The following DPP10 variants were observed in gnomAD, a reference collection of about 807,000 sequenced individuals.
DPP10 encodes the protein inactive dipeptidyl peptidase 10.
A neutral mutation model predicts 120.9 loss-of-function variants in DPP10; 33 were observed. The ratio of observed to expected loss-of-function variants is 0.27; its 90% confidence interval spans 0.21 to 0.37. DPP10 has a LOEUF of 0.37. DPP10 is among the 10% of genes least tolerant of loss of function. The probability of loss-of-function intolerance (pLI) is 1.00; values close to 1 mark genes in which losing one functional copy is unlikely to be tolerated. For missense variants in DPP10, 816 were observed against 942.8 expected, an observed-to-expected ratio of 0.87 and a Z score of 1.76; for synonymous variants, 337 against 326.1, an observed-to-expected ratio of 1.03 and a Z score of -0.36.
At chr2:115,718,044 T>G (rs1342345208) in intron 7 of DPP10, among the ~76,000 whole-genome samples, 1 of 151,996 alleles carries the variant, frequency 6.6e-6, no homozygotes, top group East Asian at 1.9e-4. Flanking sequence ...ATAGAGAAAA[T>G]GGGTGCGTGG....
chr2:115,321,999 T>G (rs913568961), intron 2 of DPP10, among the ~76,000 whole-genome samples: 1 of 152,174 alleles, frequency 6.6e-6, no homozygotes, highest in Non-Finnish European at 1.5e-5. Context: ...TTTAACACAA[T>G]TGATTTAAAG....
chr2:115,142,637 T>C (rs139138860), intron 1 of DPP10, among the ~76,000 whole-genome samples: 1 of 152,204 alleles, frequency 6.6e-6, no homozygotes, highest in African/African-American at 2.4e-5. Context: ...AAGCGCTAAC[T>C]GGGCAGCTTC....
At chr2:114,957,012 CATG>C (rs1312920982) in intron 1 of DPP10, among the ~76,000 whole-genome samples, 2 of 146,206 alleles carry the variant, frequency 1.4e-5, no homozygotes, top group African/African-American at 5.0e-5. Flanking sequence ...GAGAAAACTG[CATG>C]ATATTGATCT....
chr2:115,666,044 TC>T (rs1316565423), intron 5 of DPP10, among the ~76,000 whole-genome samples: 2 of 152,068 alleles, frequency 1.3e-5, no homozygotes, highest in Non-Finnish European at 2.9e-5. Context: ...CTCTCCCTCC[TC>T]CCATCCTCCA....
At chr2:115,771,649 T>C (rs1418956235) in intron 13 of DPP10, among the ~76,000 whole-genome samples, 1 of 151,408 alleles carries the variant, frequency 6.6e-6, no homozygotes, top group East Asian at 1.9e-4. Flanking sequence ...TGATGACTTT[T>C]TACCCCCTTT....
chr2:115,250,861 T>C lies in DPP10; in HGVS notation c.61-58378T>C, dbSNP rs568040430. Reference sequence around the variant, plus strand: ...ATGATCTTTATGGGGAAATGTGTACTGAACTCCAGTAAAATGACAACAGCA... The same window carrying C: ...ATGATCTTTATGGGGAAATGTGTACCGAACTCCAGTAAAATGACAACAGCA... On this transcript the variant is annotated intron_variant, in intron 1 of 25. Transcript: ENST00000410059. Among the ~76,000 whole-genome samples the C allele has an allele frequency of 3.3e-5, 5 of 152,326 alleles. No individual in the cohort carries two copies. In the East Asian group the frequency reaches 9.6e-4, roughly 29 times the overall value.
At chr2:115,188,941 A>G (rs376113972) in intron 1 of DPP10, among the ~76,000 whole-genome samples, 17 of 152,322 alleles carry the variant, frequency 1.1e-4, no homozygotes, top group African/African-American at 3.8e-4. Context: ...TTGCACATCT[A>G]TACAAATGCA....
intron 5 of DPP10, among the ~76,000 whole-genome samples, chr2:115,651,964 A>T (rs533581493): frequency 6.6e-6 from 1 of 152,072 alleles, no homozygotes. Flanking sequence ...GTTCAATGAC[A>T]TCTGTAGGTT....
intron 1 of DPP10, among the ~76,000 whole-genome samples, chr2:115,244,847 A>ATGTG: frequency 1.0e-5 from 1 of 100,170 alleles, no homozygotes; most frequent in South Asian, 3.7e-4. Flanking sequence ...ATATATATAC[A>ATGTG]TATATATATA....
intron 1 of DPP10, among the ~76,000 whole-genome samples, chr2:114,446,491 C>A (rs1677952522): frequency 6.6e-6 from 1 of 152,094 alleles, no homozygotes; most frequent in Non-Finnish European, 1.5e-5. Context: ...TATTTCTTTA[C>A]CCTTCCCATG....
intron 3 of DPP10, among the ~76,000 whole-genome samples, chr2:115,427,508 C>A (rs1252125222): frequency 6.6e-6 from 1 of 152,144 alleles, no homozygotes; most frequent in Non-Finnish European, 1.5e-5. Context: ...TGGAGTGGCC[C>A]AAGCTGTACT....
At chr2:114,828,082 T>C (rs925113790) in intron 1 of DPP10, among the ~76,000 whole-genome samples, 1 of 152,186 alleles carries the variant, frequency 6.6e-6, no homozygotes, top group African/African-American at 2.4e-5. Context: ...TACTTTGACA[T>C]TGCACTGTAT....
intron 1 of DPP10, among the ~76,000 whole-genome samples, chr2:114,611,528 C>A (rs1693286731): frequency 6.6e-6 from 1 of 152,100 alleles, no homozygotes; most frequent in Admixed American, 6.5e-5. Flanking sequence ...CACATAGAGA[C>A]AAAAGAATTG....
intron 1 of DPP10, among the ~76,000 whole-genome samples, chr2:114,451,828 A>G (rs1430092): frequency 0.91 from 138,950 of 152,094 alleles, 63,456 homozygotes; most frequent in Middle Eastern, 0.94. Flanking sequence ...TTGTGTCTTC[A>G]AGTAAAATAT....
At chr2:114,880,109 G>A (rs956529721) in intron 1 of DPP10, among the ~76,000 whole-genome samples, 55 of 152,244 alleles carry the variant, frequency 3.6e-4, no homozygotes, top group Non-Finnish European at 2.1e-4. Flanking sequence ...TACTGAATAA[G>A]GGAAATAATT....
chr2:115,562,258 C>T (rs1484868694), intron 5 of DPP10, among the ~76,000 whole-genome samples: 2 of 152,150 alleles, frequency 1.3e-5, no homozygotes, highest in Non-Finnish European at 2.9e-5. Context: ...TAGATTCTGG[C>T]TCGCTCTTTC....
intron 1 of DPP10, among the ~76,000 whole-genome samples, chr2:115,270,066 TCACACACACACACACACACA>T (rs57649162): frequency 9.9e-5 from 13 of 130,722 alleles, no homozygotes; most frequent in South Asian, 2.7e-4. Flanking sequence ...TAGGTATACT[TCACACACACACACACACACA>T]CACACACACA....
intron 5 of DPP10, among the ~76,000 whole-genome samples, chr2:115,644,616 T>TG (rs1371240272): frequency 7.3e-6 from 1 of 137,928 alleles, no homozygotes; most frequent in Non-Finnish European, 1.5e-5. Context: ...ATAAGGTATT[T>TG]GAAAAAAAAA....
chr2:115,133,053 G>T (rs1003065285), intron 1 of DPP10, among the ~76,000 whole-genome samples: 1 of 148,018 alleles, frequency 6.8e-6, no homozygotes, highest in Non-Finnish European at 1.5e-5. Flanking sequence ...ATTCCAGGGG[G>T]TTATGAAGAA....
Sources: gnomAD v4.1 joint callset for allele counts (sites outside exome capture counted in the v4.1 genomes callset) on GRCh38, gnomAD v4.1.1 for gene constraint, MANE v1.5 for transcripts, NCBI Gene and HGNC (gene_info 2026-07-23, HGNC 2026-07-21) for gene names.